Variants in PALLD observed in about 807,000 individuals in gnomAD.
The protein encoded by PALLD is palladin.
PALLD carries 61 observed loss-of-function variants against 123.5 expected under a neutral mutation model. The ratio of observed to expected loss-of-function variants is 0.49; its 90% confidence interval spans 0.40 to 0.61. PALLD has a LOEUF of 0.61. PALLD is among the 20% of genes least tolerant of loss of function. The probability of loss-of-function intolerance (pLI) is 0.00; values close to 1 mark genes in which losing one functional copy is unlikely to be tolerated. For synonymous variants in PALLD, 465 were observed against 496.4 expected (o/e 0.94, Z 0.84); for missense variants, 1,273 against 1,377.0 (o/e 0.92, Z 1.20).
intron 2 of PALLD, among the ~76,000 whole-genome samples, chr4:168,620,072 C>T (rs899375616): frequency 6.6e-6 from 1 of 152,206 alleles, no homozygotes; most frequent in Non-Finnish European, 1.5e-5. Context: ...TGACTCCAAG[C>T]CACAAACCAC....
intron 2 of PALLD, 122 bp downstream of exon 2, chr4:168,512,534 A>T: frequency 1.1e-6 from 1 of 945,974 alleles, no homozygotes; most frequent in Non-Finnish European, 1.7e-6. Flanking sequence ...AGTACTTGCA[A>T]GGAGAGAAGC....
intron 2 of PALLD, among the ~76,000 whole-genome samples, chr4:168,664,394 C>T: frequency 6.6e-6 from 1 of 152,228 alleles, no homozygotes; most frequent in East Asian, 1.9e-4. Context: ...TCTAACTCAT[C>T]TATTTAGTCA....
In PALLD at chr4:168,628,265, T is replaced by C. The variant is rs896770707; in HGVS notation, c.909-39925T>C. Among the ~76,000 whole-genome samples, 5 of 152,230 alleles carry C rather than the reference T, an allele frequency of 3.3e-5. No individual in the cohort carries two copies. In the East Asian group the frequency reaches 7.7e-4, roughly 23 times the overall value. On this transcript the variant is annotated intron_variant, in intron 2 of 21. Transcript: ENST00000505667. Reference sequence around the variant, plus strand: ...GGTGCATTTATCCAAGGGAATGCTATGCCACATTAAACACAGGCATGGTTA... The same window carrying C: ...GGTGCATTTATCCAAGGGAATGCTACGCCACATTAAACACAGGCATGGTTA...
intron 3 of PALLD, among the ~76,000 whole-genome samples, chr4:168,678,482 T>C (rs6832582): frequency 0.3 from 45,866 of 151,980 alleles, 9,632 homozygotes; most frequent in African/African-American, 0.59. Context: ...GAGCACAGAA[T>C]AGTGCCTGGG....
chr4:168,921,876 G>A, intron 18 of PALLD, 135 bp downstream of exon 18: 1 of 767,142 alleles, frequency 1.3e-6, no homozygotes, highest in Admixed American at 2.0e-5. Context: ...AATAGCCAAT[G>A]AGGACATGGT....
At chr4:168,729,760 G>A (rs1363425953) in intron 10 of PALLD, among the ~76,000 whole-genome samples, 2 of 152,140 alleles carry the variant, frequency 1.3e-5, no homozygotes, top group Non-Finnish European at 2.9e-5. Context: ...CAAAGAAAGG[G>A]TACAGACCAC....
chr4:168,561,725 C>A (rs1767887952), intron 2 of PALLD, among the ~76,000 whole-genome samples: 1 of 151,956 alleles, frequency 6.6e-6, no homozygotes, highest in African/African-American at 2.4e-5. Context: ...TTTTTCTAAC[C>A]CTTTAAAGAG....
chr4:168,583,978 A>G (rs1328985149), intron 2 of PALLD, among the ~76,000 whole-genome samples: 1 of 152,136 alleles, frequency 6.6e-6, no homozygotes, highest in Non-Finnish European at 1.5e-5. Flanking sequence ...TCTGAGCCCA[A>G]AATTTCTCAT....
At chr4:168,904,285 C>T (rs1180921899) in intron 15 of PALLD, 2 of 214,924 alleles carry the variant, frequency 9.3e-6, no homozygotes, top group East Asian at 1.9e-4. Flanking sequence ...GAGTGAGTGG[C>T]ATGCATAGGC....
chr4:168,694,078 T>C (rs6852004), intron 8 of PALLD, among the ~76,000 whole-genome samples: 18,663 of 152,208 alleles, frequency 0.12, 1,392 homozygotes, highest in East Asian at 0.35. Flanking sequence ...AGTTGCTATG[T>C]CAGAGGAAAA....
At chr4:168,851,045 C>G (rs1320015432) in intron 10 of PALLD, among the ~76,000 whole-genome samples, 1 of 152,098 alleles carries the variant, frequency 6.6e-6, no homozygotes, top group African/African-American at 2.4e-5. Flanking sequence ...GTGCCGTCTC[C>G]CAGGCCAGCA....
rs145189275 is a variant in PALLD, at chr4:168,719,962, T to G, written c.1964+8039T>G. On this transcript the variant is annotated intron_variant, in intron 10 of 21. Transcript: ENST00000505667. ...TCCATTGTGTATATGTACCACATTT[T>G]CTTTATCCAGTCTACCATTGATGGG... 4.6e-3 allele frequency among the ~76,000 whole-genome samples: 702 copies of G among 152,350 alleles called. 8 individuals carry two copies. Among genetic ancestry groups the G allele is most frequent in the African/African-American group, 0.016 (653 of 41,590 alleles).
chr4:168,628,648 C>A (rs1441302160), intron 2 of PALLD, among the ~76,000 whole-genome samples: 1 of 152,172 alleles, frequency 6.6e-6, no homozygotes, highest in South Asian at 2.1e-4. Flanking sequence ...AAGAAAGCTG[C>A]CCCTGGCCGC....
At chr4:168,918,483 A>T (rs1048042344) in intron 17 of PALLD, among the ~76,000 whole-genome samples, 1 of 152,306 alleles carries the variant, frequency 6.6e-6, no homozygotes, top group African/African-American at 2.4e-5. Flanking sequence ...AATATAAAAA[A>T]GTTGAACTCA....
intron 10 of PALLD, among the ~76,000 whole-genome samples, chr4:168,841,472 C>T (rs755871624): frequency 1.3e-5 from 2 of 152,186 alleles, no homozygotes; most frequent in Non-Finnish European, 2.9e-5. Context: ...TGGAAAAGTG[C>T]GGTTGGCTTA....
chr4:168,913,837 G>C (rs1415488393), intron 15 of PALLD, 90 bp from the exon 16 acceptor site: 26 of 897,782 alleles, frequency 2.9e-5, no homozygotes, highest in Non-Finnish European at 4.5e-5. Context: ...ATGAAATAAT[G>C]TCTTATAGAG....
At chr4:168,845,688 G>A (rs1002379606) in intron 10 of PALLD, among the ~76,000 whole-genome samples, 14 of 152,150 alleles carry the variant, frequency 9.2e-5, no homozygotes, top group South Asian at 2.1e-4. Context: ...CTGTACTCAC[G>A]AGACAGGTTG....
At chr4:168,563,613 C>G (rs1245508800) in intron 2 of PALLD, among the ~76,000 whole-genome samples, 1 of 152,066 alleles carries the variant, frequency 6.6e-6, no homozygotes, top group Non-Finnish European at 1.5e-5. Flanking sequence ...GACATTTTAG[C>G]AAGGTCAAAC....
chr4:168,562,215 C>T (rs951455513), intron 2 of PALLD, among the ~76,000 whole-genome samples: 1 of 152,134 alleles, frequency 6.6e-6, no homozygotes, highest in African/African-American at 2.4e-5. Flanking sequence ...CTACAGTCAC[C>T]GAATATCTGT....
Sources: gnomAD v4.1 joint callset for allele counts (sites outside exome capture counted in the v4.1 genomes callset) on GRCh38, gnomAD v4.1.1 for gene constraint, MANE v1.5 for transcripts, NCBI Gene and HGNC (gene_info 2026-07-23, HGNC 2026-07-21) for gene names.